ILKAP: variants seen among roughly 807,000 people sequenced by gnomAD.
ILKAP encodes the protein integrin-linked kinase-associated serine/threonine phosphatase 2C.
In ILKAP, 11 loss-of-function variants were observed where a neutral mutation model predicts 49.1. The ratio of observed to expected loss-of-function variants is 0.22; its 90% CI spans 0.14 to 0.37. The LOEUF is 0.37. ILKAP is among the 10% of genes least tolerant of loss of function. The pLI is 1.00. For synonymous variants in ILKAP, 186 were observed against 192.8 expected, an observed-to-expected ratio of 0.96 and a Z score of 0.29; for missense variants, 363 against 510.8, an observed-to-expected ratio of 0.71 and a Z score of 2.79.
In ILKAP at chr2:238,195,294, G is replaced by A. The variant is rs537944094; in HGVS notation, c.56-424C>T. The stretch of plus-strand genomic sequence containing the variant: ...TTCAGAAATTTGGGGTGGGGTGGAG[G>A]AGGGGCCTTCAAAGACCTACAGGTT... On this transcript the variant is annotated intron_variant, in intron 1 of 11. Transcript: ENST00000254654. Among the ~76,000 whole-genome samples the A allele has an allele frequency of 2.1e-4, 32 of 152,250 alleles. No homozygotes were observed. The South Asian group carries it at 2.3e-3, about 11-fold the overall frequency.
chr2:238,185,350 G>T, intron 5 of ILKAP, 63 bp from the exon 6 acceptor site: 2 of 1,090,112 alleles, frequency 1.8e-6, no homozygotes, highest in Non-Finnish European at 2.8e-6. Flanking sequence ...TTCCATTAAA[G>T]CTTTTAAATT....
chr2:238,201,665 A>C (rs1355290896), intron 1 of ILKAP, among the ~76,000 whole-genome samples: 1 of 152,220 alleles, frequency 6.6e-6, no homozygotes, highest in Non-Finnish European at 1.5e-5. Flanking sequence ...CAGTCAAGGG[A>C]GCCTGCTCCT....
chr2:238,189,140 A>C (rs1694020144), intron 4 of ILKAP, among the ~76,000 whole-genome samples: 1 of 152,094 alleles, frequency 6.6e-6, no homozygotes. Flanking sequence ...AACATGGTGA[A>C]ACCCCGTCTC....
intron 9 of ILKAP, among the ~76,000 whole-genome samples, chr2:238,177,710 C>G (rs1693521126): frequency 6.6e-6 from 1 of 152,194 alleles, no homozygotes; most frequent in Admixed American, 6.5e-5. Context: ...CGTTGCTTAT[C>G]TATTCATCTG....
At chr2:238,176,664 CAG>C (rs34331344) in intron 9 of ILKAP, among the ~76,000 whole-genome samples, 124,152 of 151,530 alleles carry the variant, frequency 0.82, 50,921 homozygotes, top group East Asian at 0.98. Context: ...GTTCTTTCTC[CAG>C]AGAGAGAGAG....
chr2:238,192,217 GAAAA>G (rs1694159243), intron 3 of ILKAP, among the ~76,000 whole-genome samples: 1 of 140,626 alleles, frequency 7.1e-6, no homozygotes, highest in African/African-American at 2.6e-5. Flanking sequence ...AAAAAAAAAA[GAAAA>G]AGAAAAAGAA....
At chr2:238,202,823 G>A (rs1356337930) in intron 1 of ILKAP, among the ~76,000 whole-genome samples, 3 of 151,212 alleles carry the variant, frequency 2.0e-5, no homozygotes, top group Non-Finnish European at 4.4e-5. Flanking sequence ...ACTGGCAGGG[G>A]CCAGCGCTTA....
At chr2:238,183,793 A>G in intron 7 of ILKAP, 53 bp from the exon 8 acceptor site, 1 of 1,355,186 alleles carries the variant, frequency 7.4e-7, no homozygotes, top group Non-Finnish European at 1.0e-6. Flanking sequence ...CAGCACTTTG[A>G]GACTAATTTC....
chr2:238,188,109 C>A (rs768970282), intron 5 of ILKAP, 22 bp downstream of exon 5: 65 of 1,612,122 alleles, frequency 4.0e-5, no homozygotes, highest in Non-Finnish European at 5.4e-5. Flanking sequence ...GCCAGCCGGG[C>A]TTCCTACCAC....
At chr2:238,172,667 A>C (rs776446907) in intron 10 of ILKAP, among the ~76,000 whole-genome samples, 3 of 152,206 alleles carry the variant, frequency 2.0e-5, no homozygotes, top group Non-Finnish European at 4.4e-5. Context: ...GCTCAAGACA[A>C]GGCCAAGCAG....
chr2:238,187,256 G>A (rs1693945014), intron 5 of ILKAP, among the ~76,000 whole-genome samples: 1 of 152,178 alleles, frequency 6.6e-6, no homozygotes, highest in African/African-American at 2.4e-5. Context: ...CTGTCTCAAT[G>A]GGTGTGTATC....
intron 1 of ILKAP, among the ~76,000 whole-genome samples, chr2:238,196,043 C>CAAAAAA (rs71043116): frequency 0.016 from 1,054 of 67,838 alleles, 57 homozygotes; most frequent in African/African-American, 0.049. Flanking sequence ...GACTCTGTCA[C>CAAAAAA]AAAAAAAAAA....
chr2:238,185,167 G>A lies in ILKAP; in HGVS notation c.532+14C>T. ...ACCAATTTGAGTATCAACTGATTTA[G>A]TTCTCAGTCTCACCTTTAGGAAATT... On this transcript the variant is annotated intron_variant, in intron 6 of 11. Transcript: ENST00000254654. 6.6e-7 allele frequency: 1 copy of A among 1,512,908 alleles called. No homozygotes were observed. Among genetic ancestry groups the A allele is most frequent in the Non-Finnish European group, 9.2e-7 (1 of 1,088,166 alleles). The allele number at this position is 1,512,908 out of a possible 1,614,324, so 93.7% of individuals were successfully genotyped here.
chr2:238,171,157 T>C (rs112719715), intron 10 of ILKAP, 133 bp from the exon 11 acceptor site: 79,878 of 592,696 alleles, frequency 0.13, 7,019 homozygotes, highest in Middle Eastern at 0.18. Context: ...TTTTTTCTTT[T>C]TTCTTTTTTT....
At chr2:238,190,086 T>G in intron 3 of ILKAP, 114 bp from the exon 4 acceptor site, 4 of 1,122,944 alleles carry the variant, frequency 3.6e-6, no homozygotes, top group East Asian at 2.9e-5. Context: ...AAGCAAGGAC[T>G]GGCAGACACA....
intron 10 of ILKAP, 100 bp from the exon 11 acceptor site, chr2:238,171,124 A>C: frequency 1.2e-6 from 1 of 825,906 alleles, no homozygotes. Flanking sequence ...ATATTTGTCC[A>C]ACTATTCAAA....
At chr2:238,199,867 G>T (rs1694497856) in intron 1 of ILKAP, among the ~76,000 whole-genome samples, 1 of 150,898 alleles carries the variant, frequency 6.6e-6, no homozygotes, top group South Asian at 2.1e-4. Flanking sequence ...CTCCTGCCTT[G>T]TTCCCCCAAA....
In ILKAP at chr2:238,194,794, G is replaced by T; in HGVS notation, c.121+11C>A. 6.2e-7 allele frequency: 1 copy of T among 1,613,650 alleles called. No individual in the cohort carries two copies. The highest frequency in any genetic ancestry group is 8.5e-7 in the Non-Finnish European group (1 of 1,179,562). On this transcript the variant is annotated intron_variant, in intron 2 of 11. Transcript: ENST00000254654. Reference sequence around the variant, plus strand: ...CGTTGACACACACCTGGGAGAGCCTGAAGACTGTACCTGAGTCAGTACTGC... The same window carrying T: ...CGTTGACACACACCTGGGAGAGCCTTAAGACTGTACCTGAGTCAGTACTGC...
At chr2:238,202,740 C>T (rs1336896276) in intron 1 of ILKAP, among the ~76,000 whole-genome samples, 1 of 152,064 alleles carries the variant, frequency 6.6e-6, no homozygotes, top group Non-Finnish European at 1.5e-5. Context: ...ACCCACAGGA[C>T]GCAGGGATTA....
Sources: allele counts gnomAD v4.1 joint callset (sites outside exome capture counted in the v4.1 genomes callset), GRCh38; gene constraint gnomAD v4.1.1; transcripts MANE v1.5; gene names NCBI Gene and HGNC (gene_info 2026-07-23, HGNC 2026-07-21).